The following RPL36A variants were observed in gnomAD, a reference collection of about 807,000 sequenced individuals.
RPL36A encodes the protein ribosomal protein L36a, also known as large ribosomal subunit protein eL42.
For synonymous variants in RPL36A, 25 were observed against 28.5 expected (o/e 0.88, Z 0.39); for missense variants, 20 against 81.0 (o/e 0.25, Z 2.89).
chrX:101,391,065 G>A lies in RPL36A; in HGVS notation c.3+19G>A. 1 of 1,202,436 alleles carries A rather than the reference G, an allele frequency of 8.3e-7. No individual in the cohort carries two copies. Among genetic ancestry groups the A allele is most frequent in the Non-Finnish European group, 1.1e-6 (1 of 886,690 alleles). ...AAGCATGGTAGGACTTGCTGGTGGG[G>A]GCCGAGTAACATCCAGCTTAATCTT... is the stretch of plus-strand genomic sequence containing the variant. On this transcript the variant is annotated intron_variant, in intron 1 of 4. Transcript: ENST00000553110.
intron 3 of RPL36A, among the ~76,000 whole-genome samples, chrX:101,394,806 T>TTTTA (rs1927965238): frequency 1.4e-5 from 1 of 72,553 alleles, no homozygotes; most frequent in Non-Finnish European, 2.2e-5. Context: ...TTTTTTTTTT[T>TTTTA]GAGATGGAGT....
Position 101,391,553 on chromosome X carries a change from T to G in RPL36A, c.98T>G (p.Leu33Arg), listed in dbSNP as rs782492796. 8.3e-7 allele frequency: 1 copy of G among 1,211,760 alleles called. No individual in the cohort carries two copies. The highest frequency in any genetic ancestry group is 1.8e-5 in the South Asian group (1 of 57,019). Residue 33 changes from leucine to arginine, a missense_variant, in exon 2 of 5, where the codon CTG (leucine) becomes CGG (arginine). Coordinates refer to ENST00000553110, the MANE Select transcript of RPL36A (RefSeq NM_021029.6). ...CAGTACAAGAAGGGCAAGGATTCTC[T>G]GTACGCCCAGGGTAAGATGGATTCC... ...VTQYKKGKDS[L>R]YAQGKRRYDR...
chrX:101,391,651 C>T (rs1373643676), intron 2 of RPL36A, 87 bp downstream of exon 2: 2 of 1,194,815 alleles, frequency 1.7e-6, no homozygotes, highest in East Asian at 5.9e-5. Flanking sequence ...CCCTCCACGC[C>T]TGGCTTGAGC....
intron 3 of RPL36A, chrX:101,393,404 A>G (rs1555983787): frequency 8.9e-6 from 1 of 111,987 alleles, no homozygotes; most frequent in Non-Finnish European, 1.9e-5. Flanking sequence ...AAGAAAAAAG[A>G]ATGAATTAGA....
chrX:101,394,790 A>ATT (rs1175645490), intron 3 of RPL36A, among the ~76,000 whole-genome samples: 46 of 78,899 alleles, frequency 5.8e-4, no homozygotes, highest in Non-Finnish European at 7.8e-4. Context: ...ATATATATAT[A>ATT]TTTTTTTTTT....
At position 101,391,095 on chromosome X, in the gene RPL36A, C is replaced by T. The variant is rs782262180; in HGVS notation, c.3+49C>T. The T allele has an allele frequency of 1.3e-5, 15 of 1,173,501 alleles. No homozygotes were observed. The East Asian group carries it at 3.6e-4, about 28-fold the overall frequency. ...AGTAACATCCAGCTTAATCTTTCCC[C>T]CCCTTCGTCGCCCGTGCTATGCCGG... On this transcript the variant is annotated intron_variant, in intron 1 of 4. Transcript: ENST00000553110.
rs782719912 is a variant in RPL36A, at chrX:101,395,739, C to A, written c.312C>A (p.Ile104=). 11 of 1,206,630 alleles carry A rather than the reference C, an allele frequency of 9.1e-6. No homozygotes were observed. The highest frequency in any genetic ancestry group is 1.2e-5 in the Non-Finnish European group (11 of 892,864). ...CTGTTCTGTTACAGGGCCAAGTGAT[C>A]CAGTTCTAAGTGTCATCTTTTATTA... ...GGDKKRKGQV[I]QF is the part of the protein sequence containing the mutation. The change falls in exon 5 of 5, where the codon ATC becomes ATA. Residue 104 remains isoleucine (I), a synonymous_variant. Coordinates refer to ENST00000553110, the MANE Select transcript of RPL36A (RefSeq NM_021029.6).
At chrX:101,394,590 A>T (rs1182205026) in intron 3 of RPL36A, among the ~76,000 whole-genome samples, 1 of 105,941 alleles carries the variant, frequency 9.4e-6, no homozygotes, top group African/African-American at 3.4e-5. Flanking sequence ...TCAGGGTGGC[A>T]AGATGAGTTG....
intron 3 of RPL36A, 147 bp downstream of exon 3, chrX:101,391,969 G>A (rs1927825611): frequency 5.1e-6 from 6 of 1,175,391 alleles, no homozygotes; most frequent in African/African-American, 3.6e-5. Flanking sequence ...TGATGGAGCT[G>A]GGAATGCAAC....
At chrX:101,394,344 TA>T (rs1248967438) in intron 3 of RPL36A, among the ~76,000 whole-genome samples, 2 of 102,234 alleles carry the variant, frequency 2.0e-5, no homozygotes, top group Admixed American at 1.1e-4. Context: ...AAAAGAACAA[TA>T]AAAAAAGTTG....
chrX:101,392,172 C>T (rs1317402991), intron 3 of RPL36A: 18 of 1,012,618 alleles, frequency 1.8e-5, no homozygotes, highest in Admixed American at 3.1e-5. Flanking sequence ...TTGTTGGTTG[C>T]ACTAAGAATT....
At chrX:101,394,629 T>G (rs1927945690) in intron 3 of RPL36A, among the ~76,000 whole-genome samples, 1 of 105,082 alleles carries the variant, frequency 9.5e-6, no homozygotes, top group African/African-American at 3.4e-5. Context: ...CTAGGATGTT[T>G]GATCTGAATG....
At chrX:101,395,545 A>G in intron 4 of RPL36A, 88 bp downstream of exon 4, 5 of 1,134,351 alleles carry the variant, frequency 4.4e-6, no homozygotes, top group Non-Finnish European at 5.9e-6. Context: ...CATAGAGCTC[A>G]GGGGTAATCC....
intron 3 of RPL36A, chrX:101,393,722 A>G (rs182659571): frequency 9.3e-4 from 104 of 112,227 alleles, no homozygotes; most frequent in African/African-American, 3.3e-3. Context: ...ATACTTGACC[A>G]GTAGTGCGGA....
intron 3 of RPL36A, among the ~76,000 whole-genome samples, chrX:101,394,774 TAATATATA>T (rs1927959534): frequency 1.2e-5 from 1 of 85,267 alleles, no homozygotes; most frequent in African/African-American, 5.4e-5. Flanking sequence ...TTTATATATA[TAATATATA>T]TATATATATT....
Position 101,391,497 on chromosome X carries a change from G to T in RPL36A, c.42G>T (p.Lys14Asn). Residue 14 changes from lysine to asparagine, a missense_variant, in exon 2 of 5, where the codon AAG (lysine) becomes AAT (asparagine). Lys to Asn is a moderately conservative substitution (Grantham distance 94). Coordinates refer to ENST00000553110, the MANE Select transcript of RPL36A (RefSeq NM_021029.6). The stretch of plus-strand genomic sequence containing the variant: ...AAACCCGCCGGACTTTCTGTAAGAA[G>T]TGTGGCAAGCACCAACCCCATAAAG... ...VPKTRRTFCK[K>N]CGKHQPHKVT... 1 of 1,211,891 alleles carries T rather than the reference G, an allele frequency of 8.3e-7. No individual in the cohort carries two copies. The highest frequency in any genetic ancestry group is 1.1e-6 in the Non-Finnish European group (1 of 895,531).
Position 101,391,405 on chromosome X carries a change from G to A in RPL36A, c.4-54G>A, listed in dbSNP as rs142755460. Reference sequence around the variant, plus strand: ...CAGCTTTAGCTGGGTAAGGTAGGGCGTTGTGCCATTGTGGTCAAATAACAT... The same window carrying A: ...CAGCTTTAGCTGGGTAAGGTAGGGCATTGTGCCATTGTGGTCAAATAACAT... On this transcript the variant is annotated intron_variant, in intron 1 of 4. Coordinates refer to ENST00000553110, the MANE Select transcript of RPL36A (RefSeq NM_021029.6). 375 of 1,182,111 alleles carry A rather than the reference G, an allele frequency of 3.2e-4. No individual in the cohort carries two copies. The African/African-American group carries it at 6.1e-3, about 19-fold the overall frequency.
chrX:101,394,740 ATATT>A (rs1391868029), intron 3 of RPL36A, among the ~76,000 whole-genome samples: 2 of 99,203 alleles, frequency 2.0e-5, no homozygotes, highest in African/African-American at 7.2e-5. Context: ...TATATTATAT[ATATT>A]TTTATGTTTT....
At chrX:101,395,515 T>G in intron 4 of RPL36A, 58 bp downstream of exon 4, 1 of 1,180,106 alleles carries the variant, frequency 8.5e-7, no homozygotes. Context: ...TTTGAAAAGG[T>G]GAACATCTAT....
Sources: gnomAD v4.1 joint callset for allele counts (sites outside exome capture counted in the v4.1 genomes callset) on GRCh38, gnomAD v4.1.1 for gene constraint, MANE v1.5 for transcripts, NCBI Gene and HGNC (gene_info 2026-07-23, HGNC 2026-07-21) for gene names.